MOCOS: variants seen among roughly 807,000 people sequenced by gnomAD.
MOCOS encodes human molybdenum cofactor sulfurase.
MOCOS carries 86 observed loss-of-function variants against 83.6 expected under a neutral mutation model. The ratio of observed to expected loss-of-function variants is 1.03; its 90% CI spans 0.86 to 1.23. The LOEUF is 1.23. MOCOS is among the 50% of genes most tolerant of loss of function. The pLI is 0.00. For synonymous variants in MOCOS, 445 were observed against 434.7 expected (o/e 1.02, Z -0.29); for missense variants, 1,120 against 1,126.9 (o/e 0.99, Z 0.09).
intron 13 of MOCOS, among the ~76,000 whole-genome samples, chr18:36,265,007 G>A (rs2091676897): frequency 6.6e-6 from 1 of 152,214 alleles, no homozygotes; most frequent in Non-Finnish European, 1.5e-5. Context: ...CACCTGAAGA[G>A]GAGAGAGTAA....
At chr18:36,188,154 C>T (rs2091349536) in intron 1 of MOCOS, among the ~76,000 whole-genome samples, 1 of 152,162 alleles carries the variant, frequency 6.6e-6, no homozygotes, top group South Asian at 2.1e-4. Flanking sequence ...GAGGCCAAGG[C>T]CTCTTGGCCG....
intron 11 of MOCOS, among the ~76,000 whole-genome samples, chr18:36,256,341 C>T (rs1195756558): frequency 6.6e-6 from 1 of 152,232 alleles, no homozygotes; most frequent in Non-Finnish European, 1.5e-5. Flanking sequence ...TTGCTCCGTC[C>T]TATCCAGGGA....
intron 12 of MOCOS, among the ~76,000 whole-genome samples, chr18:36,259,485 G>T (rs2091654567): frequency 6.9e-6 from 1 of 145,136 alleles, no homozygotes; most frequent in Admixed American, 7.0e-5. Context: ...AAAAATAGCA[G>T]ATGTTACACT....
In MOCOS at chr18:36,262,174, C is replaced by G. The variant is rs74723625; in HGVS notation, c.2409+1999C>G. Among the ~76,000 whole-genome samples, 1,169 of 150,974 alleles carry G rather than the reference C, an allele frequency of 7.7e-3. 8 individuals are homozygous for G. The highest frequency in any genetic ancestry group is 0.014 in the Middle Eastern group (4 of 288). ...CTTGTAGAAATCTATCCCATAGAAA[C>G]GCTAATACAAGTATTAAAATAAGTA... On this transcript the variant is annotated intron_variant, in intron 13 of 14. Coordinates refer to ENST00000261326, the MANE Select transcript of MOCOS (RefSeq NM_017947.4).
chr18:36,213,365 G>A lies in MOCOS; in HGVS notation c.1219-1G>A. The A allele has an allele frequency of 6.2e-7, 1 of 1,613,602 alleles. No homozygotes were observed. Among genetic ancestry groups the A allele is most frequent in the Non-Finnish European group, 8.5e-7 (1 of 1,179,534 alleles). On this transcript the variant is annotated splice_acceptor_variant, in intron 6 of 14. Transcript: ENST00000261326. LOFTEE classifies it high-confidence loss of function. ...CATTCCATGTTACATTAAATCCGCA[G>A]GTGGACAAAATGGCCAGTCTTTACA...
At chr18:36,260,257 G>T in intron 13 of MOCOS, 82 bp downstream of exon 13, 1 of 1,573,104 alleles carries the variant, frequency 6.4e-7, no homozygotes, top group Non-Finnish European at 8.7e-7. Flanking sequence ...GATAGCTGCA[G>T]GTGGGACTCC....
Position 36,271,365 on chromosome 18 carries a change from TATTA to T in MOCOS, c.*2684_*2687del, listed in dbSNP as rs1306904187. 6.6e-6 allele frequency: 1 copy of T among 152,252 alleles called. No individual in the cohort carries two copies. The highest frequency in any genetic ancestry group is 1.9e-4 in the East Asian group (1 of 5,194). The allele number at this position is 152,252 out of a possible 1,614,324, so 9.4% of individuals were successfully genotyped here. A position where few individuals can be genotyped will look rare whatever the true frequency, so the allele number is the denominator to read the frequency against. ...GATTGAATATTAATTAAATATATTT[TATTA>T]ATTTAAAATGAATTTTAAATGCATT... On this transcript the variant is annotated 3_prime_UTR_variant, in exon 15 of 15. Transcript: ENST00000261326.
intron 1 of MOCOS, among the ~76,000 whole-genome samples, chr18:36,189,000 G>C (rs8089727): frequency 0.15 from 22,192 of 151,586 alleles, 1,837 homozygotes; most frequent in East Asian, 0.31. Context: ...AATGCCTACA[G>C]GTGCTGGGGA....
intron 5 of MOCOS, among the ~76,000 whole-genome samples, 181 bp downstream of exon 5, chr18:36,203,370 T>A (rs1014006548): frequency 3.3e-5 from 5 of 152,050 alleles, no homozygotes; most frequent in African/African-American, 1.2e-4. Context: ...TGAGGTGGGG[T>A]TTTTGGATTG....
At chr18:36,202,455 A>G (rs988827637) in intron 4 of MOCOS, among the ~76,000 whole-genome samples, 1 of 152,100 alleles carries the variant, frequency 6.6e-6, no homozygotes, top group African/African-American at 2.4e-5. Flanking sequence ...GGGCCTCCCA[A>G]AGTGTTGAGA....
chr18:36,268,900 C>T lies in MOCOS; in HGVS notation c.*215C>T, dbSNP rs777492150. On this transcript the variant is annotated 3_prime_UTR_variant, in exon 15 of 15. Transcript: ENST00000261326. ...GAGAGCACTTCTGAGGCCTCAGGAA[C>T]GAATGCTGCACCCACATCCAGTGAG... 20 of 578,078 alleles carry T rather than the reference C, an allele frequency of 3.5e-5. No individual in the cohort carries two copies. Among genetic ancestry groups the T allele is most frequent in the African/African-American group, 9.4e-5 (5 of 53,414 alleles). The allele number at this position is 578,078 out of a possible 1,614,324, so 35.8% of individuals were successfully genotyped here.
chr18:36,257,065 A>G lies in MOCOS; in HGVS notation c.2262A>G (p.Leu754=). The change falls in exon 12 of 15, where the codon CTA becomes CTG. Residue 754 remains leucine, a synonymous_variant. Transcript: ENST00000261326. The stretch of plus-strand genomic sequence containing the variant: ...GTATTTTGGAACTTCACCGGCAACT[A>G]AACACCAGGTAAGACCTCATACCTC... ...TSSILELHRQ[L]NTSDENGKEE... The G allele has an allele frequency of 6.2e-7, 1 of 1,613,386 alleles. No individual in the cohort carries two copies. The highest frequency in any genetic ancestry group is 1.3e-5 in the African/African-American group (1 of 75,032).
In MOCOS at chr18:36,272,110, GTA is replaced by G. The variant is rs1313566062; in HGVS notation, c.*3427_*3428del. 2.0e-5 allele frequency: 3 copies of G among 152,102 alleles called. No individual in the cohort carries two copies. The highest frequency in any genetic ancestry group is 2.9e-5 in the Non-Finnish European group (2 of 68,026). 9.4% of individuals were successfully genotyped at this position (152,102 alleles called of 1,614,324 possible). On this transcript the variant is annotated 3_prime_UTR_variant, in exon 15 of 15. Transcript: ENST00000261326. ...TGGTTGTATTATTCTTTATTTTTTT[GTA>G]TGACTTATGATATTCATGATAATTA...
In MOCOS at chr18:36,217,482, A is replaced by G. The variant is rs371275106; in HGVS notation, c.1797+1505A>G. ...TTATGTGTGCACTGCAGGGACATCT[A>G]TGACTAGTTCTGTGGTTGGAACTCT... On this transcript the variant is annotated intron_variant, in intron 8 of 14. Transcript: ENST00000261326. Among the ~76,000 whole-genome samples the G allele has an allele frequency of 4.3e-4, 66 of 152,162 alleles. 1 individual carries two copies. The highest frequency in any genetic ancestry group is 1.5e-3 in the African/African-American group (62 of 41,530).
chr18:36,222,890 G>C (rs995175634), intron 9 of MOCOS, among the ~76,000 whole-genome samples: 2 of 152,170 alleles, frequency 1.3e-5, no homozygotes, highest in East Asian at 3.8e-4. Flanking sequence ...GTGAGCCATC[G>C]CGCCCAGCCA....
At chr18:36,260,977 A>G (rs1433406588) in intron 13 of MOCOS, among the ~76,000 whole-genome samples, 4 of 151,868 alleles carry the variant, frequency 2.6e-5, no homozygotes, top group Admixed American at 2.0e-4. Flanking sequence ...GACCTGCCGC[A>G]GGGTCACGTT....
chr18:36,262,556 TG>T (rs2091667762), intron 13 of MOCOS, among the ~76,000 whole-genome samples: 1 of 152,172 alleles, frequency 6.6e-6, no homozygotes, highest in African/African-American at 2.4e-5. Flanking sequence ...TAGAGTACAG[TG>T]GTGCAATCTT....
intron 2 of MOCOS, among the ~76,000 whole-genome samples, chr18:36,198,301 A>T (rs1250805792): frequency 6.6e-6 from 1 of 152,162 alleles, no homozygotes; most frequent in Admixed American, 6.5e-5. Context: ...AGATGGGAGG[A>T]TCGCTTGAGC....
intron 6 of MOCOS, among the ~76,000 whole-genome samples, chr18:36,209,699 A>C (rs2091447437): frequency 1.3e-5 from 2 of 152,156 alleles, no homozygotes; most frequent in South Asian, 4.1e-4. Flanking sequence ...GTAGTATTCC[A>C]TGTTGTGTAT....
Sources: gnomAD v4.1 joint callset for allele counts (sites outside exome capture counted in the v4.1 genomes callset) on GRCh38, gnomAD v4.1.1 for gene constraint, MANE v1.5 for transcripts, NCBI Gene and HGNC (gene_info 2026-07-23, HGNC 2026-07-21) for gene names.